Variants in LDLRAD4 observed in about 807,000 individuals in gnomAD.
The protein encoded by LDLRAD4 is low-density lipoprotein receptor class A domain-containing protein 4.
LDLRAD4 carries 5 observed loss-of-function variants against 17.0 expected under a neutral mutation model. The ratio of observed to expected loss-of-function variants is 0.29; its 90% CI spans 0.15 to 0.62. The LOEUF is 0.62. Among genes scored for constraint, LDLRAD4 ranks in the 20% least tolerant of loss-of-function variants. The pLI is 0.84. For missense variants in LDLRAD4, 340 were observed against 424.7 expected (o/e 0.80, Z 1.75); for synonymous variants, 168 against 171.8 (o/e 0.98, Z 0.17).
intron 2 of LDLRAD4, chr18:13,419,677 G>A (rs1226017852): frequency 6.6e-6 from 1 of 152,206 alleles, no homozygotes; most frequent in Non-Finnish European, 1.5e-5. Flanking sequence ...AAACCCGGCA[G>A]TCTTATTCTA....
intron 2 of LDLRAD4, among the ~76,000 whole-genome samples, chr18:13,413,167 T>C (rs1194592710): frequency 2.0e-5 from 3 of 152,194 alleles, no homozygotes; most frequent in African/African-American, 7.2e-5. Context: ...TGTGCTTGGC[T>C]GTAAGGAAGG....
In LDLRAD4 at chr18:13,297,553, G is replaced by T. The variant is rs566176290; in HGVS notation, c.-383+19365G>T. On this transcript the variant is annotated intron_variant, in intron 1 of 5. Transcript: ENST00000359446. ...CTCATGCCTGTAATCCCAGCACTTT[G>T]GGGGGCTGAGGTGGGAGGATGGCTT... Among the ~76,000 whole-genome samples, 45 of 152,342 alleles carry T rather than the reference G, an allele frequency of 3.0e-4. 1 individual carries two copies. The South Asian group carries it at 8.9e-3, about 30-fold the overall frequency.
chr18:13,357,097 G>C (rs1053598239), intron 1 of LDLRAD4, among the ~76,000 whole-genome samples: 2 of 152,158 alleles, frequency 1.3e-5, no homozygotes, highest in Non-Finnish European at 2.9e-5. Flanking sequence ...TTGTGCCACT[G>C]CACTCCAGCC....
intron 1 of LDLRAD4, among the ~76,000 whole-genome samples, chr18:13,247,262 A>T (rs962312694): frequency 1.3e-5 from 2 of 152,210 alleles, no homozygotes; most frequent in African/African-American, 4.8e-5. Flanking sequence ...TTTTCAGAAG[A>T]CTTACGAAGA....
chr18:13,412,971 C>T lies in LDLRAD4; in HGVS notation c.40+25209C>T, dbSNP rs542009521. 3.9e-5 allele frequency among the ~76,000 whole-genome samples: 6 copies of T among 152,306 alleles called. No individual in the cohort carries two copies. In the East Asian group the frequency reaches 5.8e-4, roughly 15 times the overall value. On this transcript the variant is annotated intron_variant, in intron 2 of 5. Coordinates refer to ENST00000359446, the Ensembl canonical transcript of LDLRAD4. ...GATGCGCTGCTTCCTTCTCCTGGTA[C>T]GTAGTAAGGGCAGCGTGTGTGACCT... is the stretch of plus-strand genomic sequence containing the variant.
At chr18:13,283,321 A>AACTTTT (rs2045399957) in intron 1 of LDLRAD4, among the ~76,000 whole-genome samples, 1 of 152,156 alleles carries the variant, frequency 6.6e-6, no homozygotes, top group African/African-American at 2.4e-5. Flanking sequence ...AAATTTTCCA[A>AACTTTT]ACTTTTATGC....
At chr18:13,508,505 T>C (rs1297349774) in intron 3 of LDLRAD4, among the ~76,000 whole-genome samples, 1 of 152,246 alleles carries the variant, frequency 6.6e-6, no homozygotes, top group Non-Finnish European at 1.5e-5. Flanking sequence ...TAGGGGCTAA[T>C]GCAGCTGGAG....
At chr18:13,255,577 A>G (rs2043459704) in intron 1 of LDLRAD4, among the ~76,000 whole-genome samples, 1 of 152,196 alleles carries the variant, frequency 6.6e-6, no homozygotes, top group Non-Finnish European at 1.5e-5. Flanking sequence ...CCCAGGGTCC[A>G]GGTGGGATGG....
chr18:13,499,063 T>C (rs1365875009), intron 3 of LDLRAD4, among the ~76,000 whole-genome samples: 1 of 145,654 alleles, frequency 6.9e-6, no homozygotes, highest in East Asian at 2.1e-4. Flanking sequence ...GGAGAATCCT[T>C]CTCGCCATAC....
In LDLRAD4 at chr18:13,247,675, C is replaced by T. The variant is rs958804070; in HGVS notation, c.-467+28687C>T. Among the ~76,000 whole-genome samples the T allele has an allele frequency of 1.8e-4, 28 of 152,114 alleles. 1 individual carries two copies. The highest frequency in any genetic ancestry group is 1.6e-3 in the Admixed American group (24 of 15,268). On this transcript the variant is annotated intron_variant, in intron 1 of 5. Transcript: ENST00000399848. Reference sequence around the variant, plus strand: ...CAGCCCTGGCAGCACCCTCCACGCACGCACAGGGTCTGCAAAGTTTGTGCC... The same window carrying T: ...CAGCCCTGGCAGCACCCTCCACGCATGCACAGGGTCTGCAAAGTTTGTGCC...
intron 1 of LDLRAD4, among the ~76,000 whole-genome samples, chr18:13,291,749 G>A (rs2045975142): frequency 6.6e-6 from 1 of 152,202 alleles, no homozygotes. Context: ...TGAGGAATTA[G>A]AATGTGCCAT....
At chr18:13,434,713 A>G (rs1184936358) in intron 2 of LDLRAD4, among the ~76,000 whole-genome samples, 1 of 152,242 alleles carries the variant, frequency 6.6e-6, no homozygotes, top group African/African-American at 2.4e-5. Flanking sequence ...ACAGAGCTCT[A>G]GCGACTGGGC....
At chr18:13,437,495 A>T (rs950873992) in intron 2 of LDLRAD4, among the ~76,000 whole-genome samples, 1 of 152,258 alleles carries the variant, frequency 6.6e-6, no homozygotes, top group African/African-American at 2.4e-5. Context: ...AAAGTCCTAC[A>T]AAACTGAATT....
chr18:13,406,381 C>T (rs1468014963), intron 2 of LDLRAD4, among the ~76,000 whole-genome samples: 1 of 152,142 alleles, frequency 6.6e-6, no homozygotes, highest in Non-Finnish European at 1.5e-5. Context: ...AGCTTGGGAC[C>T]TCTATATGTC....
At chr18:13,617,629 G>A (rs2148779391) in intron 3 of LDLRAD4, among the ~76,000 whole-genome samples, 1 of 152,208 alleles carries the variant, frequency 6.6e-6, no homozygotes, top group Middle Eastern at 3.4e-3. Flanking sequence ...AGACAAAGAT[G>A]TGTAACCATA....
At chr18:13,348,212 T>G (rs6505807) in intron 1 of LDLRAD4, among the ~76,000 whole-genome samples, 60,861 of 151,982 alleles carry the variant, frequency 0.4, 12,558 homozygotes, top group African/African-American at 0.52. Context: ...TTTACCTACC[T>G]TTGGTCTTTG....
intron 2 of LDLRAD4, among the ~76,000 whole-genome samples, chr18:13,388,576 G>A (rs557429651): frequency 6.6e-6 from 1 of 152,216 alleles, no homozygotes; most frequent in Non-Finnish European, 1.5e-5. Context: ...CTCTGGTTCC[G>A]TGAGTCCCAG....
chr18:13,559,017 C>T (rs1473476981), intron 3 of LDLRAD4, among the ~76,000 whole-genome samples: 5 of 152,122 alleles, frequency 3.3e-5, no homozygotes, highest in African/African-American at 1.2e-4. Context: ...TGTCACTAGA[C>T]GTGCCACCGG....
At chr18:13,262,430 C>CTG (rs776697440) in intron 1 of LDLRAD4, among the ~76,000 whole-genome samples, 6,362 of 89,294 alleles carry the variant, frequency 0.071, 66 homozygotes, top group Admixed American at 0.13. Flanking sequence ...CCGTGTGGCC[C>CTG]TGTGCGTGGA....
Sources: gnomAD v4.1 joint callset for allele counts (sites outside exome capture counted in the v4.1 genomes callset) on GRCh38, gnomAD v4.1.1 for gene constraint, MANE v1.5 for transcripts, NCBI Gene and HGNC (gene_info 2026-07-23, HGNC 2026-07-21) for gene names.